The following PHF2 variants were observed in gnomAD, a reference collection of about 807,000 sequenced individuals.
PHF2 encodes the protein lysine-specific demethylase PHF2.
A neutral mutation model predicts 120.5 loss-of-function variants in PHF2; 27 were observed. The ratio of observed to expected loss-of-function variants is 0.22; its 90% CI spans 0.17 to 0.31. The LOEUF is 0.31. Ranked by LOEUF, PHF2 falls within the 10% of genes least tolerant of loss-of-function variation. The pLI, the probability that PHF2 is intolerant of heterozygous loss-of-function variation, is 1.00. For synonymous variants in PHF2, 568 were observed against 592.5 expected, an observed-to-expected ratio of 0.96 and a Z score of 0.60; for missense variants, 1,024 against 1,434.8, an observed-to-expected ratio of 0.71 and a Z score of 4.63.
At chr9:93,608,401 T>G (rs891967365) in intron 1 of PHF2, among the ~76,000 whole-genome samples, 4 of 151,566 alleles carry the variant, frequency 2.6e-5, no homozygotes, top group Admixed American at 2.6e-4. Context: ...ATTGGTAGTT[T>G]TTTTTTTTTT....
intron 5 of PHF2, among the ~76,000 whole-genome samples, 162 bp downstream of exon 5, chr9:93,649,374 C>CTTTTTTTTTTTTTTTTTTTTTTTTTT (rs752368762): frequency 9.4e-6 from 1 of 105,832 alleles, no homozygotes; most frequent in African/African-American, 3.8e-5. Context: ...AAATTTTTTC[C>CTTTTTTTTTTTTTTTTTTTTTTTTTT]TTTTTTTTTT....
At position 93,663,700 on chromosome 9, in the gene PHF2, A is replaced by C. The variant is rs189502451; in HGVS notation, c.1937+65A>C. ...AACCGACATCACACACACCATACAT[A>C]CTGCATCACACCCACTGCCTTATAC... On this transcript the variant is annotated intron_variant, in intron 14 of 21. Transcript: ENST00000359246. The C allele has an allele frequency of 1.4e-5, 12 of 849,522 alleles. No individual in the cohort carries two copies. The East Asian group carries it at 2.7e-4, about 19-fold the overall frequency. 52.6% of individuals were successfully genotyped at this position (849,522 alleles called of 1,614,324 possible).
Position 93,656,874 on chromosome 9 carries a change from G to GGTAT in PHF2, c.1147+280_1147+283dup, listed in dbSNP as rs1826470544. ...GGTGAGTGTGCATGGCCTCAGTGCA[G>GGTAT]GTATCAATCACACCTGCTCCACCCT... On this transcript the variant is annotated intron_variant, in intron 9 of 21. Coordinates refer to ENST00000359246, the MANE Select transcript of PHF2 (RefSeq NM_005392.4). This position sits in a 1 kb window ranked among gnomAD's most constrained non-coding sequence, Gnocchi z 4.1. Among the ~76,000 whole-genome samples the GGTAT allele has an allele frequency of 6.6e-6, 1 of 152,190 alleles. No individual in the cohort carries two copies.
chr9:93,629,921 T>G, intron 1 of PHF2, 49 bp from the exon 2 acceptor site: 1 of 1,560,752 alleles, frequency 6.4e-7, no homozygotes, highest in Non-Finnish European at 8.8e-7. Context: ...GGAAAGTGCT[T>G]GAGGGGGTGC....
chr9:93,623,582 G>A (rs1244800910), intron 1 of PHF2, among the ~76,000 whole-genome samples: 1 of 152,242 alleles, frequency 6.6e-6, no homozygotes, highest in East Asian at 1.9e-4. Context: ...GTTTGTTTTG[G>A]TATTTTGGAG....
chr9:93,652,797 G>A (rs951617673), intron 5 of PHF2, among the ~76,000 whole-genome samples: 12 of 152,160 alleles, frequency 7.9e-5, no homozygotes, highest in Non-Finnish European at 1.5e-4. Context: ...CAGAGGTGCC[G>A]GGCTGAGTGT....
rs1001055152 is a variant in PHF2 at position 93,579,824 on chromosome 9, G to A, written c.98+2953G>A. Among the ~76,000 whole-genome samples, 11 of 152,348 alleles carry A rather than the reference G, an allele frequency of 7.2e-5. No homozygotes were observed. In the South Asian group the frequency reaches 8.3e-4, roughly 11 times the overall value. On this transcript the variant is annotated intron_variant, in intron 1 of 21. Transcript: ENST00000359246. Reference sequence around the variant, plus strand: ...TGCGTCTTTGCTCTTGGCAGCTTTGGCGGCAGCCGAGAACTTGTTTGGGAT... The same window carrying A: ...TGCGTCTTTGCTCTTGGCAGCTTTGACGGCAGCCGAGAACTTGTTTGGGAT...
At chr9:93,648,417 G>A (rs75661935) in intron 4 of PHF2, among the ~76,000 whole-genome samples, 1,873 of 152,314 alleles carry the variant, frequency 0.012, 34 homozygotes, top group African/African-American at 0.043. Flanking sequence ...ATGCAGACAA[G>A]GCCAGTGGCC....
Position 93,649,952 on chromosome 9 carries a change from G to A in PHF2, c.602+740G>A, listed in dbSNP as rs542230990. On this transcript the variant is annotated intron_variant, in intron 5 of 21. Transcript: ENST00000359246. ...ACATTCATAGACATGACACACTAGT[G>A]GACACATGGACACACATGACACACA... Among the ~76,000 whole-genome samples the A allele has an allele frequency of 2.0e-5, 3 of 151,218 alleles. No homozygotes were observed. In the East Asian group the frequency reaches 5.9e-4, roughly 30 times the overall value.
chr9:93,673,872 A>T lies in PHF2; in HGVS notation c.2626+10A>T. 1 of 1,573,218 alleles carries T rather than the reference A, an allele frequency of 6.4e-7. No individual in the cohort carries two copies. Among genetic ancestry groups the T allele is most frequent in the Non-Finnish European group, 8.7e-7 (1 of 1,153,362 alleles). ...AAGGACTCAGACTACGGTGAGTGTC[A>T]CTCCTGCGTGGGGCAGGGCCCATGC... is the stretch of plus-strand genomic sequence containing the variant. On this transcript the variant is annotated intron_variant, in intron 18 of 21. Coordinates refer to ENST00000359246, the MANE Select transcript of PHF2 (RefSeq NM_005392.4).
chr9:93,654,290 C>T (rs953088628), intron 6 of PHF2, 123 bp from the exon 7 acceptor site: 16 of 806,368 alleles, frequency 2.0e-5, no homozygotes, highest in Non-Finnish European at 3.2e-5. Flanking sequence ...CACCTGTGCC[C>T]TCAGTGTTGC....
Position 93,664,666 on chromosome 9 carries a change from C to T in PHF2, c.1938-1020C>T, listed in dbSNP as rs577334759. Among the ~76,000 whole-genome samples the T allele has an allele frequency of 2.3e-3, 347 of 152,350 alleles. 11 individuals are homozygous for T. In the South Asian group the frequency reaches 0.047, roughly 20 times the overall value. On this transcript the variant is annotated intron_variant, in intron 14 of 21. Transcript: ENST00000359246. ...GCCATTCAGCCAAGGGGCAGGTCTGCGGGGTCCTGTGGCTGCCCAGCTTCA... is the reference window on the plus strand; with the variant it reads ...GCCATTCAGCCAAGGGGCAGGTCTGTGGGGTCCTGTGGCTGCCCAGCTTCA...
At chr9:93,666,256 G>A (rs76746406) in intron 16 of PHF2, among the ~76,000 whole-genome samples, 196 bp downstream of exon 16, 4,206 of 152,248 alleles carry the variant, frequency 0.028, 213 homozygotes, top group African/African-American at 0.097. Context: ...GGTCATCTCT[G>A]CCTGGGCGTG....
intron 7 of PHF2, among the ~76,000 whole-genome samples, chr9:93,655,276 G>GTTTT (rs71364388): frequency 7.0e-6 from 1 of 143,790 alleles, no homozygotes; most frequent in African/African-American, 2.6e-5. Flanking sequence ...TATAGGGTTG[G>GTTTT]TTTTTTTTTT....
At chr9:93,658,564 G>A (rs1266402859) in intron 10 of PHF2, among the ~76,000 whole-genome samples, 1 of 152,168 alleles carries the variant, frequency 6.6e-6, no homozygotes, top group Non-Finnish European at 1.5e-5. Flanking sequence ...GTCCTGGGAG[G>A]AAGGTGGGTC....
At chr9:93,621,596 C>G (rs1053441325) in intron 1 of PHF2, among the ~76,000 whole-genome samples, 2 of 152,228 alleles carry the variant, frequency 1.3e-5, no homozygotes, top group Non-Finnish European at 2.9e-5. Context: ...TGGAGCCACA[C>G]AGGTGGGCAC....
intron 1 of PHF2, among the ~76,000 whole-genome samples, chr9:93,618,482 A>G (rs1318587796): frequency 6.6e-6 from 1 of 152,272 alleles, no homozygotes; most frequent in East Asian, 1.9e-4. Flanking sequence ...ACACATATAC[A>G]CATGGGTGCA....
At chr9:93,598,458 C>T (rs1462189406) in intron 1 of PHF2, among the ~76,000 whole-genome samples, 1 of 152,118 alleles carries the variant, frequency 6.6e-6, no homozygotes, top group Non-Finnish European at 1.5e-5. Flanking sequence ...ATGTACCACC[C>T]TTCCATAAGT....
At chr9:93,604,358 G>A (rs941238499) in intron 1 of PHF2, among the ~76,000 whole-genome samples, 9 of 150,244 alleles carry the variant, frequency 6.0e-5, no homozygotes, top group Non-Finnish European at 1.0e-4. Context: ...TTTTTGAGAC[G>A]GAGAGCAAGA....
Sources: gnomAD v4.1 joint callset for allele counts (sites outside exome capture counted in the v4.1 genomes callset) on GRCh38, gnomAD v4.1.1 for gene constraint, Gnocchi (gnomAD v3.1) non-coding constraint, MANE v1.5 for transcripts, NCBI Gene and HGNC (gene_info 2026-07-23, HGNC 2026-07-21) for gene names.